Variants in GRIA2 observed in about 807,000 individuals in gnomAD.
GRIA2 encodes glutamate ionotropic receptor AMPA type subunit 2, also known as glutamate receptor 2.
GRIA2 carries 14 observed loss-of-function variants against 97.3 expected under a neutral mutation model. The observed-to-expected ratio is 0.14, with a 90% CI of 0.10 to 0.23. The LOEUF is 0.23. Ranked by LOEUF, GRIA2 falls within the 10% of genes least tolerant of loss-of-function variation. The pLI is 1.00. For synonymous variants in GRIA2, 412 were observed against 387.8 expected (o/e 1.06, Z -0.73); for missense variants, 558 against 1,069.8 (o/e 0.52, Z 6.67).
chr4:157,275,674 G>A lies in GRIA2; in HGVS notation c.230-27878G>A, dbSNP rs139507389. Among the ~76,000 whole-genome samples, 481 of 152,216 alleles carry A rather than the reference G, an allele frequency of 3.2e-3. 17 individuals are homozygous for A. The East Asian group carries it at 0.081, about 26-fold the overall frequency. On this transcript the variant is annotated intron_variant, in intron 2 of 15. Transcript: ENST00000264426. ...TGTCAGGCTTGTCAAAGATCAGATA[G>A]TTGTAGATATGTGGCATTATTTCTG... is the stretch of plus-strand genomic sequence containing the variant.
chr4:157,223,103 C>T (rs570484255), intron 2 of GRIA2, among the ~76,000 whole-genome samples: 8 of 152,322 alleles, frequency 5.3e-5, no homozygotes, highest in African/African-American at 1.7e-4. Context: ...TGCAGTTTTC[C>T]CACGTCACAC....
At chr4:157,337,318 A>G (rs1285405593) in intron 11 of GRIA2, among the ~76,000 whole-genome samples, 1 of 152,086 alleles carries the variant, frequency 6.6e-6, no homozygotes, top group Non-Finnish European at 1.5e-5. Flanking sequence ...CATTCATTAA[A>G]AAACCTGTCC....
intron 2 of GRIA2, among the ~76,000 whole-genome samples, chr4:157,222,424 A>C (rs1368400185): frequency 1.3e-5 from 2 of 149,390 alleles, no homozygotes; most frequent in African/African-American, 4.9e-5. Flanking sequence ...CGCCCACCCG[A>C]GGGGCGAGGA....
chr4:157,299,145 A>C (rs529641598), intron 2 of GRIA2, among the ~76,000 whole-genome samples: 2 of 152,226 alleles, frequency 1.3e-5, no homozygotes, highest in African/African-American at 4.8e-5. Flanking sequence ...GAATTTTAAG[A>C]GGCAAATTTT....
chr4:157,266,206 G>A (rs1421747104), intron 2 of GRIA2, among the ~76,000 whole-genome samples: 1 of 152,104 alleles, frequency 6.6e-6, no homozygotes, highest in Non-Finnish European at 1.5e-5. Flanking sequence ...TGTCTAGAAG[G>A]CAATCAAATG....
rs1172034985 is a variant in GRIA2 at position 157,364,871 on chromosome 4, C to A, written c.*1440C>A. 1 of 151,304 alleles carries A rather than the reference C, an allele frequency of 6.6e-6. No individual in the cohort carries two copies. The highest frequency in any genetic ancestry group is 1.5e-5 in the Non-Finnish European group (1 of 67,634). 9.4% of individuals were successfully genotyped at this position (151,304 alleles called of 1,614,324 possible). On this transcript the variant is annotated 3_prime_UTR_variant, in exon 16 of 16. Transcript: ENST00000264426. The stretch of plus-strand genomic sequence containing the variant: ...GGTGGAATGGCTATTTTAATATGCC[C>A]AGTGTGGATAAAATGTCACATTTCT...
chr4:157,267,408 A>G (rs1343652846), intron 2 of GRIA2, among the ~76,000 whole-genome samples: 1 of 151,650 alleles, frequency 6.6e-6, no homozygotes, highest in Non-Finnish European at 1.5e-5. Flanking sequence ...AAAAAAAAAA[A>G]AAAAAGTTAA....
At chr4:157,223,288 A>T (rs1729591328) in intron 2 of GRIA2, among the ~76,000 whole-genome samples, 1 of 152,122 alleles carries the variant, frequency 6.6e-6, no homozygotes, top group Non-Finnish European at 1.5e-5. Flanking sequence ...GTAATTTAGG[A>T]TTTAATTGTT....
chr4:157,347,847 A>G (rs1313390048), intron 12 of GRIA2, among the ~76,000 whole-genome samples: 1 of 152,202 alleles, frequency 6.6e-6, no homozygotes, highest in African/African-American at 2.4e-5. Context: ...TATTTGAAGG[A>G]AAATTTGATG....
intron 12 of GRIA2, among the ~76,000 whole-genome samples, chr4:157,344,660 T>C (rs1735696208): frequency 6.6e-6 from 1 of 152,120 alleles, no homozygotes. Flanking sequence ...AGTGATAGCT[T>C]TTTCCTTTTT....
chr4:157,327,880 C>T (rs1014067817), intron 6 of GRIA2, among the ~76,000 whole-genome samples: 7 of 152,010 alleles, frequency 4.6e-5, no homozygotes, highest in African/African-American at 7.2e-5. Context: ...TAATTAGTGT[C>T]ATGCATTAAA....
Position 157,341,357 on chromosome 4 carries a change from T to G in GRIA2, c.1938T>G (p.Thr646=). 3.1e-6 allele frequency: 5 copies of G among 1,612,268 alleles called. No homozygotes were observed. The highest frequency in any genetic ancestry group is 4.2e-6 in the Non-Finnish European group (5 of 1,178,476). The change falls in exon 12 of 16, where the codon ACT becomes ACG. Residue 646 remains threonine (T), a synonymous_variant. Coordinates refer to ENST00000264426, the MANE Select transcript of GRIA2 (RefSeq NM_001083619.3). The part of the protein sequence containing the change: ...SYTANLAAFL[T]VERMVSPIES... ...CGGCTAACTTAGCTGCCTTCCTGAC[T>G]GTAGAGAGGATGGTGTCTCCCATCG...
chr4:157,309,463 T>G (rs1467959129), intron 3 of GRIA2, among the ~76,000 whole-genome samples: 2 of 150,286 alleles, frequency 1.3e-5, no homozygotes, highest in African/African-American at 4.9e-5. Flanking sequence ...GGAATTCTCC[T>G]GCCTCAGTCT....
chr4:157,233,922 C>G (rs1470798384), intron 2 of GRIA2, among the ~76,000 whole-genome samples: 1 of 152,054 alleles, frequency 6.6e-6, no homozygotes, highest in Non-Finnish European at 1.5e-5. Context: ...TTGTTCTTAG[C>G]TGCTATAAAT....
intron 2 of GRIA2, among the ~76,000 whole-genome samples, chr4:157,280,081 C>T (rs181731845): frequency 3.3e-5 from 5 of 152,194 alleles, no homozygotes; most frequent in African/African-American, 7.2e-5. Flanking sequence ...GCCGAGATCA[C>T]GCCACTGCAC....
intron 6 of GRIA2, among the ~76,000 whole-genome samples, chr4:157,328,305 A>G (rs917118001): frequency 2.0e-5 from 3 of 152,010 alleles, no homozygotes; most frequent in Non-Finnish European, 2.9e-5. Context: ...GTGAAGTGCT[A>G]ACTTAAGCCC....
At chr4:157,282,191 T>G (rs1466267345) in intron 2 of GRIA2, among the ~76,000 whole-genome samples, 2 of 152,092 alleles carry the variant, frequency 1.3e-5, no homozygotes, top group Non-Finnish European at 2.9e-5. Context: ...CTGTCCATTG[T>G]GCGGTCCCAA....
intron 2 of GRIA2, among the ~76,000 whole-genome samples, chr4:157,273,454 G>A (rs1356925060): frequency 6.6e-6 from 1 of 151,970 alleles, no homozygotes; most frequent in African/African-American, 2.4e-5. Flanking sequence ...AAACATCAAT[G>A]ATTAATATGC....
intron 2 of GRIA2, among the ~76,000 whole-genome samples, chr4:157,280,449 A>T (rs191147574): frequency 6.6e-6 from 1 of 152,296 alleles, no homozygotes; most frequent in Non-Finnish European, 1.5e-5. Context: ...TGTATTAATT[A>T]TATATTACTG....
Sources: gnomAD v4.1 joint callset for allele counts (sites outside exome capture counted in the v4.1 genomes callset) on GRCh38, gnomAD v4.1.1 for gene constraint, MANE v1.5 for transcripts, NCBI Gene and HGNC (gene_info 2026-07-23, HGNC 2026-07-21) for gene names.